The following CADPS variants were observed in gnomAD, a reference collection of about 807,000 sequenced individuals.
The protein encoded by CADPS is calcium-dependent secretion activator 1.
In CADPS, 57 loss-of-function variants were observed where a neutral mutation model predicts 167.3. The ratio of observed to expected loss-of-function variants is 0.34; its 90% CI spans 0.28 to 0.42. The LOEUF is 0.42. Among genes scored for constraint, CADPS ranks in the 20% least tolerant of loss-of-function variants. The pLI, the probability that CADPS is intolerant of heterozygous loss-of-function variation, is 1.00. For missense variants in CADPS, 1,414 were observed against 1,738.1 expected (o/e 0.81, Z 3.32); for synonymous variants, 676 against 635.3 (o/e 1.06, Z -0.96).
chr3:62,758,355 G>C (rs190413649), intron 2 of CADPS, among the ~76,000 whole-genome samples: 136 of 152,308 alleles, frequency 8.9e-4, no homozygotes, highest in Middle Eastern at 6.8e-3. Context: ...GGAGGAAAGA[G>C]GCCAAAGACT....
chr3:62,836,700 G>C (rs2075946173), intron 1 of CADPS, among the ~76,000 whole-genome samples: 1 of 152,156 alleles, frequency 6.6e-6, no homozygotes, highest in Non-Finnish European at 1.5e-5. Flanking sequence ...AAAGTACACT[G>C]TACCATGCCT....
intron 9 of CADPS, among the ~76,000 whole-genome samples, chr3:62,570,175 C>A (rs1024388742): frequency 8.0e-5 from 12 of 150,154 alleles, no homozygotes; most frequent in Admixed American, 8.0e-4. Context: ...TGAAAGGTAT[C>A]TAAATAACTT....
At chr3:62,837,856 T>C (rs1051130952) in intron 1 of CADPS, among the ~76,000 whole-genome samples, 1 of 152,154 alleles carries the variant, frequency 6.6e-6, no homozygotes, top group South Asian at 2.1e-4. Context: ...CTATAAGACA[T>C]AATGCATGCA....
chr3:62,503,065 C>A (rs1342128885), intron 17 of CADPS, among the ~76,000 whole-genome samples: 1 of 152,004 alleles, frequency 6.6e-6, no homozygotes, highest in African/African-American at 2.4e-5. Flanking sequence ...CCACCCACCA[C>A]CACCACCGAG....
chr3:62,671,366 G>A (rs1235931567), intron 3 of CADPS, among the ~76,000 whole-genome samples: 1 of 152,046 alleles, frequency 6.6e-6, no homozygotes, highest in African/African-American at 2.4e-5. Flanking sequence ...GAAGACACAA[G>A]GAACTGAAGC....
chr3:62,536,654 C>T (rs2074744113), intron 11 of CADPS, 73 bp from the exon 12 acceptor site: 1 of 1,414,474 alleles, frequency 7.1e-7, no homozygotes, highest in Non-Finnish European at 9.9e-7. Flanking sequence ...ATTTCAAATA[C>T]ACAGGAATTC....
At chr3:62,576,438 C>G (rs377418522) in intron 8 of CADPS, among the ~76,000 whole-genome samples, 10 of 151,984 alleles carry the variant, frequency 6.6e-5, no homozygotes, top group Admixed American at 4.6e-4. Flanking sequence ...CTCACTGGCA[C>G]GTGGTAAGGG....
rs148273426 is a variant in CADPS at position 62,507,131 on chromosome 3, A to G, written c.2599+5620T>C. ...TTAGTCCCCAAATAAACTTTTATGT[A>G]CATTGCCACAAGCTGTCTTGGGCGG... is the stretch of plus-strand genomic sequence containing the variant. On this transcript the variant is annotated intron_variant, in intron 17 of 29. Coordinates refer to ENST00000383710, the MANE Select transcript of CADPS (RefSeq NM_003716.4). Among the ~76,000 whole-genome samples the G allele has an allele frequency of 2.3e-3, 346 of 152,256 alleles. 1 individual carries two copies. The highest frequency in any genetic ancestry group is 7.9e-3 in the African/African-American group (327 of 41,544).
At position 62,533,010 on chromosome 3, in the gene CADPS, G is replaced by A. The variant is rs1455375755; in HGVS notation, c.2152C>T (p.Arg718Ter). ...CGGTGACACCCCCGGACTCCATTTC[G>A]GGCGCAATACTCGTCTAGTACAAAC... is the stretch of plus-strand genomic sequence containing the variant. ...QVFVLDEYCA[R>*]NGVRGCHRHL... The change falls in exon 13 of 30, where the codon CGA (arginine) becomes TGA (stop). Residue 718 changes from arginine (R) to a stop codon, truncating the protein, a stop_gained. Coordinates refer to ENST00000383710, the MANE Select transcript of CADPS (RefSeq NM_003716.4). LOFTEE classifies it high-confidence loss of function. 6.2e-7 allele frequency: 1 copy of A among 1,613,660 alleles called. No homozygotes were observed. Among genetic ancestry groups the A allele is most frequent in the Non-Finnish European group, 8.5e-7 (1 of 1,179,812 alleles).
At chr3:62,616,100 A>G (rs1375715097) in intron 6 of CADPS, among the ~76,000 whole-genome samples, 1 of 152,182 alleles carries the variant, frequency 6.6e-6, no homozygotes, top group Non-Finnish European at 1.5e-5. Flanking sequence ...TATGAGCACA[A>G]TAAAATCCAG....
intron 3 of CADPS, among the ~76,000 whole-genome samples, chr3:62,710,470 G>A (rs1264985777): frequency 6.6e-6 from 1 of 152,022 alleles, no homozygotes; most frequent in Non-Finnish European, 1.5e-5. Flanking sequence ...TTCCTCATAA[G>A]CTCAAATCTT....
At chr3:62,610,406 A>T (rs1216574175) in intron 6 of CADPS, among the ~76,000 whole-genome samples, 1 of 151,934 alleles carries the variant, frequency 6.6e-6, no homozygotes, top group Admixed American at 6.6e-5. Context: ...ACCCACCAAC[A>T]GGCCTGGATC....
chr3:62,423,289 T>C (rs1560178322), intron 28 of CADPS, among the ~76,000 whole-genome samples: 1 of 152,158 alleles, frequency 6.6e-6, no homozygotes, highest in African/African-American at 2.4e-5. Context: ...GGGGTTGAAT[T>C]TTCATTAAGG....
chr3:62,524,340 A>G (rs535321597), intron 13 of CADPS, among the ~76,000 whole-genome samples: 127 of 152,300 alleles, frequency 8.3e-4, no homozygotes, highest in Non-Finnish European at 1.6e-3. Flanking sequence ...CTGCTTCATT[A>G]TGAAAGCCAG....
intron 1 of CADPS, among the ~76,000 whole-genome samples, chr3:62,856,177 C>T (rs1388377489): frequency 6.6e-6 from 1 of 152,076 alleles, no homozygotes; most frequent in Non-Finnish European, 1.5e-5. Flanking sequence ...TCCATTAGCC[C>T]TGAGCTCCCA....
At chr3:62,701,681 A>G (rs1194934545) in intron 3 of CADPS, among the ~76,000 whole-genome samples, 1 of 151,924 alleles carries the variant, frequency 6.6e-6, no homozygotes, top group East Asian at 1.9e-4. Flanking sequence ...ATTTCAAAGC[A>G]CCTGCAGGCT....
chr3:62,603,538 C>T (rs1251304760), intron 6 of CADPS, among the ~76,000 whole-genome samples: 1 of 152,196 alleles, frequency 6.6e-6, no homozygotes, highest in Non-Finnish European at 1.5e-5. Flanking sequence ...TGCTTATTTT[C>T]TCACTAACTG....
In CADPS at chr3:62,516,626, C is replaced by G; in HGVS notation, c.2411G>C (p.Gly804Ala). The G allele has an allele frequency of 1.2e-6, 2 of 1,602,474 alleles. No homozygotes were observed. The highest frequency in any genetic ancestry group is 1.7e-5 in the Admixed American group (1 of 59,510). ...AGCTTTCAAAGCACCTTCAGGTCGA[C>G]CAAATGGAAAGCAATACCTAAAAAA... ...ITHFRYCFPF[G>A]RPEGALKATL... Residue 804 changes from glycine to alanine, a missense_variant, in exon 15 of 30, where the codon GGT becomes GCT. Around this residue, in one of 6 missense-constraint regions of CADPS, gnomAD observed 529 missense variants for 629.6 expected, o/e 0.84. Transcript: ENST00000383710.
chr3:62,485,543 T>C (rs1432567262), intron 21 of CADPS, among the ~76,000 whole-genome samples: 1 of 152,120 alleles, frequency 6.6e-6, no homozygotes, highest in Admixed American at 6.5e-5. Context: ...CGTTTTTCCT[T>C]TTTCATGATA....
Sources: gnomAD v4.1 joint callset for allele counts (sites outside exome capture counted in the v4.1 genomes callset) on GRCh38, gnomAD v4.1.1 for gene constraint, gnomAD v4.1.1 regional missense constraint, MANE v1.5 for transcripts, NCBI Gene and HGNC (gene_info 2026-07-23, HGNC 2026-07-21) for gene names.